Variants in VWA3B observed in about 807,000 individuals in gnomAD.
VWA3B encodes von Willebrand factor A domain-containing protein 3B.
VWA3B carries 138 observed loss-of-function variants against 158.3 expected under a neutral mutation model. The observed-to-expected ratio is 0.87, with a 90% CI of 0.76 to 1.00. The LOEUF is 1.00. VWA3B is among the 50% of genes least tolerant of loss of function. The pLI, the probability that VWA3B is intolerant of heterozygous loss-of-function variation, is 0.00. For synonymous variants in VWA3B, 596 were observed against 587.3 expected, an observed-to-expected ratio of 1.01 and a Z score of -0.21; for missense variants, 1,555 against 1,565.1, an observed-to-expected ratio of 0.99 and a Z score of 0.11.
the VWA3B span, among the ~76,000 whole-genome samples, chr2:98,319,771 T>C: frequency 6.6e-6 from 1 of 151,854 alleles, no homozygotes; most frequent in Non-Finnish European, 1.5e-5. Context: ...TCCTAGCTAC[T>C]TGGGAGGCTG....
At position 98,133,777 on chromosome 2, in the gene VWA3B, G is replaced by A. The variant is rs567834273; in HGVS notation, c.873-47G>A. The A allele has an allele frequency of 3.6e-4, 551 of 1,544,436 alleles. 2 individuals are homozygous for A. In the South Asian group the frequency reaches 5.8e-3, roughly 16 times the overall value. ...CCCAGGAGAAGGAACAAGCATGCAC[G>A]GACACCTGCGTACTGCCTTCCTAAT... On this transcript the variant is annotated intron_variant, in intron 6 of 27. Transcript: ENST00000477737.
At position 98,264,400 on chromosome 2, in the gene VWA3B, C is replaced by G. The variant is rs559843302; in HGVS notation, c.2844-6282C>G. On this transcript the variant is annotated intron_variant, in intron 21 of 27. Coordinates refer to ENST00000477737, the MANE Select transcript of VWA3B (RefSeq NM_144992.5). ...AGTACTGCTTTCACTGCATCTCATA[C>G]ATTTCGATATGTTGTATTTTTCCTT... 3.7e-4 allele frequency among the ~76,000 whole-genome samples: 56 copies of G among 152,162 alleles called. 1 individual carries two copies. The South Asian group carries it at 0.011, about 30-fold the overall frequency.
At chr2:98,242,997 G>A (rs1440104447) in intron 19 of VWA3B, among the ~76,000 whole-genome samples, 2 of 151,906 alleles carry the variant, frequency 1.3e-5, no homozygotes, top group Non-Finnish European at 2.9e-5. Context: ...TGTATAGAAA[G>A]ATTAGAAAAT....
rs1279441651 is a variant in VWA3B, at chr2:98,312,288, C to G, written c.3824C>G (p.Pro1275Arg). The change falls in exon 28 of 28, where the codon CCC becomes CGC. Residue 1275 changes from proline to arginine, a missense_variant. Transcript: ENST00000477737. ...IATPPPRAAL[P>R]CTLQATHSSK... ...ACACCTCCACCTCGAGCAGCCCTGCCCTGTACTCTCCAAGCCACCCACAGC... is the reference window on the plus strand; with the variant it reads ...ACACCTCCACCTCGAGCAGCCCTGCGCTGTACTCTCCAAGCCACCCACAGC... The G allele has an allele frequency of 1.2e-6, 2 of 1,614,128 alleles. No individual in the cohort carries two copies. The highest frequency in any genetic ancestry group is 1.7e-6 in the Non-Finnish European group (2 of 1,180,006).
downstream of VWA3B, among the ~76,000 whole-genome samples, chr2:98,316,733 T>A (rs1242718498): frequency 1.3e-5 from 2 of 151,936 alleles, no homozygotes; most frequent in African/African-American, 2.4e-5. Flanking sequence ...GGAGTTCTCA[T>A]TAATGCTTTA....
At chr2:98,242,688 G>A (rs756555310) in intron 19 of VWA3B, among the ~76,000 whole-genome samples, 1 of 147,960 alleles carries the variant, frequency 6.8e-6, no homozygotes, top group South Asian at 2.3e-4. Context: ...AAGGACCATG[G>A]CAAGCTCCCT....
At chr2:98,119,453 G>A (rs1674785472) in intron 3 of VWA3B, 60 bp from the exon 4 acceptor site, 8 of 1,577,270 alleles carry the variant, frequency 5.1e-6, no homozygotes, top group Admixed American at 3.4e-5. Flanking sequence ...TGGCAGCACT[G>A]TGGTTCAAAT....
At chr2:98,160,647 C>T (rs1426768499) in intron 7 of VWA3B, among the ~76,000 whole-genome samples, 2 of 152,224 alleles carry the variant, frequency 1.3e-5, no homozygotes, top group African/African-American at 4.8e-5. Context: ...TTTTAAGAGA[C>T]TCCTGCTACT....
At chr2:98,322,995 C>T in the VWA3B span, among the ~76,000 whole-genome samples, 2 of 152,136 alleles carry the variant, frequency 1.3e-5, no homozygotes, top group African/African-American at 4.8e-5. Context: ...CACACACACA[C>T]AAGAAAAACC....
At position 98,218,015 on chromosome 2, in the gene VWA3B, C is replaced by A. The variant is rs770633764; in HGVS notation, c.2006C>A (p.Pro669Gln). The A allele has an allele frequency of 6.2e-7, 1 of 1,608,824 alleles. No homozygotes were observed. Among genetic ancestry groups the A allele is most frequent in the Non-Finnish European group, 8.5e-7 (1 of 1,177,688 alleles). ...TTTGGTTGCAAGGATCCCACTCCCC[C>A]AGAGGCTGTTCAGGTAAGAGCTTGG... Reference protein sequence around the residue: ...YNFGCKDPTPPEAVQNEDLTL... With the variant: ...YNFGCKDPTPQEAVQNEDLTL... Residue 669 changes from proline (P) to glutamine (Q), a missense_variant, in exon 14 of 28, where the codon CCA becomes CAA. Pro to Gln is a moderately conservative substitution (Grantham distance 76). Coordinates refer to ENST00000477737, the MANE Select transcript of VWA3B (RefSeq NM_144992.5).
At chr2:98,299,229 G>A (rs184154989) in intron 24 of VWA3B, among the ~76,000 whole-genome samples, 15 of 152,186 alleles carry the variant, frequency 9.9e-5, no homozygotes, top group African/African-American at 3.4e-4. Flanking sequence ...TTGGTGCTTC[G>A]CTTGATTCAG....
chr2:98,311,279 A>G (rs1690875893), intron 26 of VWA3B, among the ~76,000 whole-genome samples: 1 of 152,244 alleles, frequency 6.6e-6, no homozygotes, highest in South Asian at 2.1e-4. Context: ...AAGCTTTGTC[A>G]GCGTATTTTC....
intron 22 of VWA3B, among the ~76,000 whole-genome samples, chr2:98,275,805 A>T (rs145186001): frequency 3.3e-4 from 50 of 152,358 alleles, no homozygotes; most frequent in Admixed American, 1.8e-3. Flanking sequence ...GGCCAGAATA[A>T]TGCCAGTGGA....
At chr2:98,132,184 G>C (rs1675923812) in intron 6 of VWA3B, among the ~76,000 whole-genome samples, 1 of 152,256 alleles carries the variant, frequency 6.6e-6, no homozygotes, top group Non-Finnish European at 1.5e-5. Flanking sequence ...CCATGGAGGT[G>C]GGTCTTGCAG....
intron 19 of VWA3B, among the ~76,000 whole-genome samples, chr2:98,244,863 G>A (rs944213497): frequency 5.9e-5 from 9 of 152,108 alleles, no homozygotes; most frequent in African/African-American, 2.2e-4. Context: ...TACAGTGGTT[G>A]CTTACAGAGT....
At chr2:98,135,319 A>ATT (rs1676179357) in intron 7 of VWA3B, among the ~76,000 whole-genome samples, 3 of 106,450 alleles carry the variant, frequency 2.8e-5, no homozygotes, top group Non-Finnish European at 5.9e-5. Flanking sequence ...ATACAAAAAC[A>ATT]TTTTTCTTTT....
intron 7 of VWA3B, among the ~76,000 whole-genome samples, chr2:98,155,164 C>T (rs1447885954): frequency 6.6e-6 from 1 of 152,234 alleles, no homozygotes; most frequent in Non-Finnish European, 1.5e-5. Context: ...AGGCAGATCG[C>T]TGTGGAGCCA....
chr2:98,160,438 G>A (rs1678479579), intron 7 of VWA3B, among the ~76,000 whole-genome samples: 1 of 152,146 alleles, frequency 6.6e-6, no homozygotes, highest in African/African-American at 2.4e-5. Flanking sequence ...CTAGACTGGG[G>A]TAGTGATAAT....
intron 26 of VWA3B, among the ~76,000 whole-genome samples, chr2:98,304,626 G>A (rs978554003): frequency 8.6e-5 from 13 of 152,016 alleles, no homozygotes; most frequent in Admixed American, 4.6e-4. Flanking sequence ...CTTTGCCCCC[G>A]ATGTCAAAGA....
Sources: gnomAD v4.1 joint callset for allele counts (sites outside exome capture counted in the v4.1 genomes callset) on GRCh38, gnomAD v4.1.1 for gene constraint, MANE v1.5 for transcripts, NCBI Gene and HGNC (gene_info 2026-07-23, HGNC 2026-07-21) for gene names.